The following CNBD1 variants were observed in gnomAD, a reference collection of about 807,000 sequenced individuals.
CNBD1 encodes the protein cyclic nucleotide binding domain containing 1, also known as cyclic nucleotide-binding domain-containing protein 1.
CNBD1 carries 71 observed loss-of-function variants against 54.4 expected under a neutral mutation model. That is an observed-to-expected ratio of 1.30 (90% CI 1.08 to 1.59). The LOEUF is 1.59. CNBD1 is among the 40% of genes most tolerant of loss of function. The probability of loss-of-function intolerance (pLI) is 0.00; values close to 1 mark genes in which losing one functional copy is unlikely to be tolerated. For missense variants in CNBD1, 659 were observed against 518.0 expected, an observed-to-expected ratio of 1.27 and a Z score of -2.64; for synonymous variants, 182 against 170.7, an observed-to-expected ratio of 1.07 and a Z score of -0.51.
intron 8 of CNBD1, among the ~76,000 whole-genome samples, chr8:87,325,706 TG>T (rs1382120717): frequency 2.1e-5 from 3 of 142,024 alleles, no homozygotes; most frequent in African/African-American, 8.2e-5. Context: ...TCTCTGCATG[TG>T]AGATGGGTTT....
chr8:87,382,810 C>G lies in CNBD1; in HGVS notation c.*183C>G, dbSNP rs1279492302. 2.2e-6 allele frequency: 1 copy of G among 451,138 alleles called. No individual in the cohort carries two copies. Among genetic ancestry groups the G allele is most frequent in the East Asian group, 3.2e-5 (1 of 31,324 alleles). 27.9% of individuals were successfully genotyped at this position (451,138 alleles called of 1,614,324 possible). A position where few individuals can be genotyped will look rare whatever the true frequency, so the allele number is the denominator to read the frequency against. On this transcript the variant is annotated 3_prime_UTR_variant, in exon 11 of 11. Transcript: ENST00000518476. ...TTCAAACACAGTTTTTATTAGCAGT[C>G]TTTCTTGGTTTGGATACTAAAATAA...
intron 8 of CNBD1, among the ~76,000 whole-genome samples, chr8:87,339,188 C>T (rs906533270): frequency 1.3e-5 from 2 of 152,142 alleles, no homozygotes; most frequent in Non-Finnish European, 2.9e-5. Flanking sequence ...CTTCCCCTCC[C>T]CTCACTGGAA....
intron 8 of CNBD1, among the ~76,000 whole-genome samples, chr8:87,331,497 A>G (rs1478520788): frequency 6.6e-6 from 1 of 152,174 alleles, no homozygotes. Flanking sequence ...TGTGTTTGCT[A>G]TTGTGAATAG....
intron 4 of CNBD1, among the ~76,000 whole-genome samples, chr8:87,142,682 C>A (rs1812394372): frequency 6.6e-6 from 1 of 152,048 alleles, no homozygotes; most frequent in Non-Finnish European, 1.5e-5. Flanking sequence ...CAGAATTAAT[C>A]AGTTTGTGAT....
At chr8:87,115,773 C>G (rs187395639) in intron 4 of CNBD1, among the ~76,000 whole-genome samples, 1 of 152,178 alleles carries the variant, frequency 6.6e-6, no homozygotes, top group Non-Finnish European at 1.5e-5. Context: ...TCGTATCTCT[C>G]GTATCTCTAA....
At chr8:87,249,133 G>T (rs1807863330) in intron 6 of CNBD1, among the ~76,000 whole-genome samples, 2 of 152,084 alleles carry the variant, frequency 1.3e-5, no homozygotes, top group South Asian at 2.1e-4. Context: ...ATTTGCAGCT[G>T]CTCCCCAGTA....
chr8:87,363,801 G>T (rs1810575929), intron 10 of CNBD1, among the ~76,000 whole-genome samples: 1 of 151,948 alleles, frequency 6.6e-6, no homozygotes, highest in Non-Finnish European at 1.5e-5. Flanking sequence ...CCATTCTGTA[G>T]GTTGCCTGTT....
chr8:87,298,764 G>T (rs1299543646), intron 8 of CNBD1, among the ~76,000 whole-genome samples: 1 of 151,764 alleles, frequency 6.6e-6, no homozygotes, highest in African/African-American at 2.4e-5. Flanking sequence ...GATTACAGAT[G>T]TGAGCCACCA....
intron 8 of CNBD1, among the ~76,000 whole-genome samples, chr8:87,289,965 T>C (rs1808758119): frequency 6.6e-6 from 1 of 152,136 alleles, no homozygotes; most frequent in Non-Finnish European, 1.5e-5. Flanking sequence ...GTCTCTTTTG[T>C]CTTGGACAAT....
chr8:87,352,068 A>G (rs746150671), intron 9 of CNBD1, among the ~76,000 whole-genome samples: 2 of 152,220 alleles, frequency 1.3e-5, no homozygotes, highest in African/African-American at 2.4e-5. Context: ...AGTTAAAACC[A>G]TAGCCAGGTA....
intron 4 of CNBD1, among the ~76,000 whole-genome samples, chr8:87,000,832 T>C (rs1808976164): frequency 6.6e-6 from 1 of 152,154 alleles, no homozygotes; most frequent in Non-Finnish European, 1.5e-5. Context: ...GTAATTTGCT[T>C]TTGCTACCTA....
At chr8:87,327,502 C>T (rs542083648) in intron 8 of CNBD1, among the ~76,000 whole-genome samples, 38 of 152,308 alleles carry the variant, frequency 2.5e-4, no homozygotes, top group African/African-American at 7.5e-4. Context: ...GATATAGTTT[C>T]GTGGTGCGCC....
chr8:87,424,908 C>A (rs955120598), intron 2 of CNBD1, among the ~76,000 whole-genome samples: 3 of 152,126 alleles, frequency 2.0e-5, no homozygotes, highest in Non-Finnish European at 2.9e-5. Context: ...TAATATCCTG[C>A]AGAGTGTTTT....
chr8:87,390,741 G>A (rs1446883032), intron 2 of CNBD1, among the ~76,000 whole-genome samples: 1 of 152,112 alleles, frequency 6.6e-6, no homozygotes. Context: ...CCATTACTGG[G>A]TATATACCCG....
intron 2 of CNBD1, among the ~76,000 whole-genome samples, chr8:87,393,921 T>TA (rs1012324503): frequency 2.6e-5 from 4 of 151,632 alleles, no homozygotes; most frequent in Admixed American, 6.6e-5. Flanking sequence ...AAATAGTGAA[T>TA]AAAAAAACAC....
chr8:86,969,791 T>TACACAC (rs371222397), intron 4 of CNBD1, among the ~76,000 whole-genome samples: 4,881 of 53,506 alleles, frequency 0.091, 87 homozygotes, highest in East Asian at 0.39. Context: ...TATATATATA[T>TACACAC]ATACACACAC....
intron 8 of CNBD1, among the ~76,000 whole-genome samples, chr8:87,334,471 G>A (rs978373787): frequency 2.0e-4 from 30 of 151,966 alleles, no homozygotes; most frequent in Admixed American, 1.6e-3. Flanking sequence ...TATGATATTA[G>A]GGTGTTGATT....
chr8:87,096,202 T>C (rs1255713179), intron 4 of CNBD1, among the ~76,000 whole-genome samples: 1 of 152,202 alleles, frequency 6.6e-6, no homozygotes, highest in Non-Finnish European at 1.5e-5. Flanking sequence ...TAGAAATTTA[T>C]GTTTTCACAA....
chr8:87,425,693 C>T (rs1228975126), intron 2 of CNBD1, among the ~76,000 whole-genome samples: 8 of 151,732 alleles, frequency 5.3e-5, no homozygotes, highest in Admixed American at 2.0e-4. Context: ...TCTCCAGCTG[C>T]GTGCTGGGAG....
Sources: gnomAD v4.1 joint callset for allele counts (sites outside exome capture counted in the v4.1 genomes callset) on GRCh38, gnomAD v4.1.1 for gene constraint, MANE v1.5 for transcripts, NCBI Gene and HGNC (gene_info 2026-07-23, HGNC 2026-07-21) for gene names.